The following NAF1 variants were observed in gnomAD, a reference collection of about 807,000 sequenced individuals.
The protein encoded by NAF1 is H/ACA ribonucleoprotein complex non-core subunit NAF1.
A neutral mutation model predicts 40.6 loss-of-function variants in NAF1; 11 were observed. The ratio of observed to expected loss-of-function variants is 0.27; its 90% CI spans 0.17 to 0.45. NAF1 has a LOEUF of 0.45. NAF1 is among the 20% of genes least tolerant of loss of function. The probability of loss-of-function intolerance (pLI) is 1.00; values close to 1 mark genes in which losing one functional copy is unlikely to be tolerated. For missense variants in NAF1, 607 were observed against 611.1 expected, an observed-to-expected ratio of 0.99 and a Z score of 0.07; for synonymous variants, 260 against 228.5, an observed-to-expected ratio of 1.14 and a Z score of -1.24.
chr4:163,142,570 A>C (rs1731302993), intron 4 of NAF1, among the ~76,000 whole-genome samples: 1 of 152,234 alleles, frequency 6.6e-6, no homozygotes, highest in Non-Finnish European at 1.5e-5. Flanking sequence ...CTAGGTTCTG[A>C]AGTGTTTATG....
intron 2 of NAF1, among the ~76,000 whole-genome samples, chr4:163,161,784 T>C (rs1732234891): frequency 6.6e-6 from 1 of 152,192 alleles, no homozygotes; most frequent in African/African-American, 2.4e-5. Flanking sequence ...CAGCATCCCC[T>C]TTTGGAATGG....
At chr4:163,147,859 G>A (rs1202715321) in intron 3 of NAF1, among the ~76,000 whole-genome samples, 1 of 152,114 alleles carries the variant, frequency 6.6e-6, no homozygotes, top group Non-Finnish European at 1.5e-5. Flanking sequence ...TTACATTACT[G>A]GCCTTCAGGA....
chr4:163,121,890 T>C (rs1296522521), downstream of NAF1, among the ~76,000 whole-genome samples: 2 of 152,230 alleles, frequency 1.3e-5, no homozygotes, highest in Non-Finnish European at 1.5e-5. Context: ...GTTTATCTTC[T>C]TTTGCTTATA....
At chr4:163,151,219 A>C (rs1202043023) in intron 2 of NAF1, among the ~76,000 whole-genome samples, 1 of 151,872 alleles carries the variant, frequency 6.6e-6, no homozygotes, top group African/African-American at 2.4e-5. Context: ...AAACAATTTC[A>C]GTCATTTAGT....
intron 2 of NAF1, among the ~76,000 whole-genome samples, chr4:163,163,347 AAGGCTCCTG>A (rs1732305088): frequency 6.6e-6 from 1 of 152,184 alleles, no homozygotes; most frequent in Admixed American, 6.5e-5. Flanking sequence ...ATTCATGAAA[AAGGCTCCTG>A]AGTGCCTGTA....
Position 163,129,230 on chromosome 4 carries a change from T to A in NAF1, c.1152A>T (p.Arg384=). Residue 384 remains arginine, a synonymous_variant, in exon 8 of 8, where the codon CGA becomes CGT. Coordinates refer to ENST00000274054, the MANE Select transcript of NAF1 (RefSeq NM_138386.3). ...TRGFSRARYP[R]SCHGRPPPQH... ...GAGGTGGAGGCCTGCCATGGCAAGA[T>A]CGAGGGTATCTGGCCCTGGAAAATC... 6.2e-7 allele frequency: 1 copy of A among 1,614,046 alleles called. No individual in the cohort carries two copies. The highest frequency in any genetic ancestry group is 8.5e-7 in the Non-Finnish European group (1 of 1,179,924).
chr4:163,104,694 T>C, the NAF1 span, among the ~76,000 whole-genome samples: 1 of 152,192 alleles, frequency 6.6e-6, no homozygotes, highest in Non-Finnish European at 1.5e-5. Flanking sequence ...AAGGAACAAT[T>C]TACAATGCAA....
chr4:163,122,921 A>G (rs1579128735), downstream of NAF1, among the ~76,000 whole-genome samples: 1 of 152,248 alleles, frequency 6.6e-6, no homozygotes, highest in Admixed American at 6.5e-5. Context: ...CTGATAAAAA[A>G]GCACAAAACA....
chr4:163,144,268 G>A (rs1423046502), intron 4 of NAF1, among the ~76,000 whole-genome samples: 2 of 152,086 alleles, frequency 1.3e-5, no homozygotes, highest in Non-Finnish European at 2.9e-5. Context: ...AAATGAACCT[G>A]GGCTGTAAAC....
Position 163,140,235 on chromosome 4 carries a change from TC to T in NAF1, c.865del (p.Glu289LysfsTer3). 6.3e-7 allele frequency: 1 copy of T among 1,591,392 alleles called. No individual in the cohort carries two copies. The highest frequency in any genetic ancestry group is 8.5e-7 in the Non-Finnish European group (1 of 1,173,424). ...MKDFTQYIFT[E>X]KLKQDKGSDA... ...GTAAAGTACTTACTGTTTTAGTTTT[TC>T]TGTGAATATATATTGAGTGAAATCT... On this transcript the variant is annotated frameshift_variant, in exon 5 of 8. Coordinates refer to ENST00000274054, the MANE Select transcript of NAF1 (RefSeq NM_138386.3). LOFTEE classifies it high-confidence loss of function.
At chr4:163,151,949 G>A (rs1579173961) in intron 2 of NAF1, among the ~76,000 whole-genome samples, 2 of 152,130 alleles carry the variant, frequency 1.3e-5, no homozygotes, top group South Asian at 2.1e-4. Flanking sequence ...TTGAACATAA[G>A]AAAGCATCAT....
chr4:163,115,209 T>TTTG (rs1730294208), intron 2 of NAF1, among the ~76,000 whole-genome samples: 1 of 74,294 alleles, frequency 1.3e-5, no homozygotes, highest in Non-Finnish European at 2.8e-5. Context: ...ATTTTTTTAT[T>TTTG]TATTTTTTTT....
intron 2 of NAF1, among the ~76,000 whole-genome samples, chr4:163,154,914 G>C (rs1181992189): frequency 1.3e-5 from 2 of 151,382 alleles, no homozygotes; most frequent in Non-Finnish European, 2.9e-5. Context: ...CAGAGCGAGA[G>C]AGGAGAACAA....
At chr4:163,106,277 G>A (rs1730048604), downstream of NAF1, among the ~76,000 whole-genome samples, 5 of 152,144 alleles carry the variant, frequency 3.3e-5, no homozygotes, top group Admixed American at 3.3e-4. Flanking sequence ...GTAAATTAAA[G>A]TATGCCAAAC....
downstream of NAF1, among the ~76,000 whole-genome samples, chr4:163,106,618 C>T (rs1730053552): frequency 6.6e-6 from 1 of 152,016 alleles, no homozygotes; most frequent in Non-Finnish European, 1.5e-5. Flanking sequence ...TCTCTGCCCA[C>T]TTGTTTCTTA....
chr4:163,166,835 T>G lies in NAF1; in HGVS notation c.-108A>C, dbSNP rs558356279. The G allele has an allele frequency of 7.0e-7, 1 of 1,424,638 alleles. No homozygotes were observed. Among genetic ancestry groups the G allele is most frequent in the Non-Finnish European group, 9.4e-7 (1 of 1,068,976 alleles). 88.2% of individuals were successfully genotyped at this position (1,424,638 alleles called of 1,614,324 possible). ...CTTAGGCAACCGCAGCAACACTGCC[T>G]GGGCCCAACTTCCCGCGTTTCTCAG... On this transcript the variant is annotated 5_prime_UTR_variant, in exon 1 of 8. Transcript: ENST00000274054.
chr4:163,146,741 GT>G (rs1351772371), intron 3 of NAF1, among the ~76,000 whole-genome samples: 5 of 152,158 alleles, frequency 3.3e-5, no homozygotes, highest in Admixed American at 6.5e-5. Flanking sequence ...GAGCCCAGGA[GT>G]TTGAGACCAG....
chr4:163,140,209 G>A lies in NAF1; in HGVS notation c.878+14C>T, dbSNP rs780893608. The A allele has an allele frequency of 1.4e-5, 22 of 1,562,992 alleles. No individual in the cohort carries two copies. The highest frequency in any genetic ancestry group is 6.2e-5 in the Admixed American group (3 of 48,342). On this transcript the variant is annotated intron_variant, in intron 5 of 7. Transcript: ENST00000274054. The stretch of plus-strand genomic sequence containing the variant: ...TTAGGTAAGTGAAGAACAACATGCC[G>A]GTAAAGTACTTACTGTTTTAGTTTT...
At chr4:163,146,171 A>T (rs1731460938) in intron 3 of NAF1, among the ~76,000 whole-genome samples, 1 of 152,222 alleles carries the variant, frequency 6.6e-6, no homozygotes, top group Non-Finnish European at 1.5e-5. Context: ...CATATTCTCA[A>T]GTAATTTTTA....
Sources: gnomAD v4.1 joint callset for allele counts (sites outside exome capture counted in the v4.1 genomes callset) on GRCh38, gnomAD v4.1.1 for gene constraint, MANE v1.5 for transcripts, NCBI Gene and HGNC (gene_info 2026-07-23, HGNC 2026-07-21) for gene names.